DTNB: variants seen among roughly 807,000 people sequenced by gnomAD.
The protein encoded by DTNB is DTN-B.
In DTNB, 63 loss-of-function variants were observed where a neutral mutation model predicts 90.7. The ratio of observed to expected loss-of-function variants is 0.69; its 90% CI spans 0.57 to 0.86. The LOEUF is 0.86. Among genes scored for constraint, DTNB ranks in the 40% least tolerant of loss-of-function variants. DTNB has a pLI of 0.00. For synonymous variants in DTNB, 277 were observed against 286.7 expected, an observed-to-expected ratio of 0.97 and a Z score of 0.34; for missense variants, 744 against 807.1, an observed-to-expected ratio of 0.92 and a Z score of 0.95.
At chr2:25,642,596 G>A (rs1362567404) in intron 2 of DTNB, among the ~76,000 whole-genome samples, 1 of 151,592 alleles carries the variant, frequency 6.6e-6, no homozygotes, top group Non-Finnish European at 1.5e-5. Flanking sequence ...ATTTTTTACA[G>A]AGATGGGGTT....
chr2:25,528,930 T>C (rs965101476), intron 9 of DTNB, among the ~76,000 whole-genome samples: 5 of 152,210 alleles, frequency 3.3e-5, no homozygotes, highest in African/African-American at 1.2e-4. Context: ...ATTCATGGAA[T>C]GAAAGCTTTA....
At chr2:25,610,304 T>C (rs1459455291) in intron 4 of DTNB, among the ~76,000 whole-genome samples, 4 of 152,192 alleles carry the variant, frequency 2.6e-5, no homozygotes, top group Non-Finnish European at 4.4e-5. Context: ...ATAGTTTAGC[T>C]ACACTTCCTT....
chr2:25,385,182 G>A (rs535785835), intron 18 of DTNB, among the ~76,000 whole-genome samples: 13 of 152,152 alleles, frequency 8.5e-5, no homozygotes, highest in East Asian at 3.9e-4. Flanking sequence ...CTGTGGCCTC[G>A]ATCCTTTCCA....
chr2:25,652,841 G>A, intron 1 of DTNB, 180 bp from the exon 2 acceptor site: 1 of 516,686 alleles, frequency 1.9e-6, no homozygotes, highest in Non-Finnish European at 3.3e-6. Flanking sequence ...CCTTTTATTT[G>A]ATAGCTTCTA....
chr2:25,445,885 G>C (rs1201527748), intron 12 of DTNB, among the ~76,000 whole-genome samples: 2 of 149,370 alleles, frequency 1.3e-5, no homozygotes, highest in Non-Finnish European at 3.0e-5. Context: ...CCCTGTCCCA[G>C]CTTGGCCACT....
intron 16 of DTNB, among the ~76,000 whole-genome samples, chr2:25,395,638 T>C (rs991100468): frequency 1.3e-5 from 2 of 151,656 alleles, no homozygotes; most frequent in South Asian, 2.1e-4. Flanking sequence ...ATAGCAAATA[T>C]TCAAAATCTA....
chr2:25,653,950 T>C (rs2081559734), intron 1 of DTNB, among the ~76,000 whole-genome samples: 1 of 152,224 alleles, frequency 6.6e-6, no homozygotes, highest in Non-Finnish European at 1.5e-5. Context: ...TTCTGTATCT[T>C]TCCTTCACTT....
intron 16 of DTNB, among the ~76,000 whole-genome samples, chr2:25,397,725 C>T (rs1413732226): frequency 6.6e-6 from 1 of 151,982 alleles, no homozygotes; most frequent in Non-Finnish European, 1.5e-5. Context: ...ACTAAACATA[C>T]AAAAATTAGC....
chr2:25,649,916 G>C, intron 2 of DTNB: 1 of 634,944 alleles, frequency 1.6e-6, no homozygotes, highest in Non-Finnish European at 2.0e-6. Flanking sequence ...GTTTCTGGTT[G>C]ACGTTGCTGG....
chr2:25,471,356 C>A (rs1187581238), intron 10 of DTNB, among the ~76,000 whole-genome samples: 1 of 151,212 alleles, frequency 6.6e-6, no homozygotes, highest in Non-Finnish European at 1.5e-5. Flanking sequence ...TGTCAAATGA[C>A]CTCTTTCCCA....
chr2:25,429,341 G>A (rs188306098), intron 14 of DTNB, among the ~76,000 whole-genome samples: 124 of 152,196 alleles, frequency 8.1e-4, no homozygotes, highest in African/African-American at 2.9e-3. Flanking sequence ...TTCTATCGGC[G>A]AGTGCGGCTC....
chr2:25,506,138 G>C (rs551405), intron 9 of DTNB, among the ~76,000 whole-genome samples: 42,560 of 152,012 alleles, frequency 0.28, 6,509 homozygotes, highest in East Asian at 0.51. Flanking sequence ...GCTGAGAAGG[G>C]TGTGTGAGGG....
rs72849885 is a variant in DTNB at position 25,428,516 on chromosome 2, C to T, written c.1458-885G>A. On this transcript the variant is annotated intron_variant, in intron 14 of 20. Coordinates refer to ENST00000406818, the MANE Select transcript of DTNB (RefSeq NM_021907.5). ...GGTGCCATCTTGTCTCAACTGCAAC[C>T]TCCGCTTCCCCAGTTCAAGTGATTC... 1.6e-3 allele frequency among the ~76,000 whole-genome samples: 242 copies of T among 151,944 alleles called. 1 individual carries two copies. The highest frequency in any genetic ancestry group is 5.5e-3 in the African/African-American group (228 of 41,404).
intron 14 of DTNB, among the ~76,000 whole-genome samples, chr2:25,428,730 G>T (rs946952897): frequency 6.6e-6 from 1 of 152,132 alleles, no homozygotes; most frequent in Non-Finnish European, 1.5e-5. Context: ...ACCGCACCTG[G>T]CTCTTTCATC....
At chr2:25,585,250 A>G (rs2062172231) in intron 6 of DTNB, among the ~76,000 whole-genome samples, 1 of 152,212 alleles carries the variant, frequency 6.6e-6, no homozygotes, top group South Asian at 2.1e-4. Flanking sequence ...ATATGAATAC[A>G]TCATCTGTTT....
At chr2:25,378,377 G>A (rs965780337) in intron 20 of DTNB, among the ~76,000 whole-genome samples, 5 of 152,198 alleles carry the variant, frequency 3.3e-5, no homozygotes, top group Admixed American at 1.3e-4. Context: ...CAGAGTCAGC[G>A]CAGGCCGAGG....
chr2:25,644,867 G>A (rs2079097843), intron 2 of DTNB, among the ~76,000 whole-genome samples: 2 of 152,030 alleles, frequency 1.3e-5, no homozygotes, highest in African/African-American at 4.8e-5. Flanking sequence ...AAAAACCCTG[G>A]GGGACAGAGA....
chr2:25,617,301 G>C (rs549565943), intron 4 of DTNB, among the ~76,000 whole-genome samples: 57 of 152,316 alleles, frequency 3.7e-4, no homozygotes, highest in Admixed American at 1.1e-3. Context: ...TGAGATTAAG[G>C]ATCATAGTAA....
intron 6 of DTNB, among the ~76,000 whole-genome samples, chr2:25,589,735 C>T (rs1339791942): frequency 6.6e-6 from 1 of 152,132 alleles, no homozygotes; most frequent in Non-Finnish European, 1.5e-5. Context: ...GGGTTGAACT[C>T]TTCGAACTAA....
Sources: allele counts gnomAD v4.1 joint callset (sites outside exome capture counted in the v4.1 genomes callset), GRCh38; gene constraint gnomAD v4.1.1; transcripts MANE v1.5; gene names NCBI Gene and HGNC (gene_info 2026-07-23, HGNC 2026-07-21).